The following FOXP2 variants were observed in gnomAD, a reference collection of about 807,000 sequenced individuals.
FOXP2 encodes forkhead box P2, also known as forkhead box protein P2.
In FOXP2, 12 loss-of-function variants were observed where a neutral mutation model predicts 115.8. The ratio of observed to expected loss-of-function variants is 0.10; its 90% CI spans 0.07 to 0.17. FOXP2 has a LOEUF of 0.17. Among genes scored for constraint, FOXP2 ranks in the 10% least tolerant of loss-of-function variants. The pLI is 1.00. For synonymous variants in FOXP2, 328 were observed against 297.7 expected (o/e 1.10, Z -1.05); for missense variants, 629 against 843.5 (o/e 0.75, Z 3.15).
upstream of FOXP2, among the ~76,000 whole-genome samples, chr7:114,413,814 A>G (rs918894257): frequency 1.3e-5 from 2 of 152,148 alleles, no homozygotes; most frequent in African/African-American, 4.8e-5. Flanking sequence ...CTAAAACAAG[A>G]TAAGTCAGTG....
intron 9 of FOXP2, among the ~76,000 whole-genome samples, chr7:114,652,674 A>C (rs180751054): frequency 1.6e-4 from 24 of 152,238 alleles, no homozygotes; most frequent in Admixed American, 2.6e-4. Context: ...TATTGTGGCA[A>C]ATGACCAGTC....
intron 13 of FOXP2, among the ~76,000 whole-genome samples, chr7:114,661,081 T>G (rs1000508420): frequency 6.6e-6 from 1 of 151,524 alleles, no homozygotes; most frequent in South Asian, 2.1e-4. Flanking sequence ...AATTCTTCTC[T>G]TAAAGCAAGC....
At chr7:114,165,537 GATAA>G (rs1461614351) in intron 1 of FOXP2, among the ~76,000 whole-genome samples, 2 of 152,048 alleles carry the variant, frequency 1.3e-5, no homozygotes, top group East Asian at 1.9e-4. Flanking sequence ...ACACCAAAAA[GATAA>G]ATACTTAGGT....
At chr7:114,151,497 A>G (rs1368601964) in intron 1 of FOXP2, among the ~76,000 whole-genome samples, 5 of 152,040 alleles carry the variant, frequency 3.3e-5, no homozygotes, top group African/African-American at 4.8e-5. Flanking sequence ...CAAAAAGGAG[A>G]CAAGGTTTTT....
At chr7:114,549,621 G>A (rs1334156592) in intron 3 of FOXP2, among the ~76,000 whole-genome samples, 1 of 152,066 alleles carries the variant, frequency 6.6e-6, no homozygotes, top group African/African-American at 2.4e-5. Context: ...CATTGGTTTG[G>A]CCCTGAGATG....
At chr7:114,522,659 G>A (rs753062986) in intron 2 of FOXP2, among the ~76,000 whole-genome samples, 6 of 152,086 alleles carry the variant, frequency 3.9e-5, no homozygotes, top group East Asian at 3.9e-4. Context: ...AAAGGACACC[G>A]TAAAATTTAC....
intron 1 of FOXP2, among the ~76,000 whole-genome samples, chr7:114,184,653 A>T (rs1001362929): frequency 9.2e-5 from 14 of 152,164 alleles, no homozygotes; most frequent in African/African-American, 3.4e-4. Context: ...CAAATGAGAC[A>T]TGCAGCACCC....
chr7:114,536,397 C>CTTTTTTTTTTTTTTT (rs3997242), intron 3 of FOXP2, among the ~76,000 whole-genome samples: 11 of 112,368 alleles, frequency 9.8e-5, no homozygotes, highest in South Asian at 2.8e-4. Flanking sequence ...TTTTTCTTTT[C>CTTTTTTTTTTTTTTT]TTTTTTTTTT....
At chr7:114,436,007 C>T (rs950250676) in intron 2 of FOXP2, among the ~76,000 whole-genome samples, 13 of 151,886 alleles carry the variant, frequency 8.6e-5, no homozygotes, top group African/African-American at 3.1e-4. Context: ...GGTGCAAACT[C>T]AATAATACGT....
chr7:114,115,873 A>T (rs1791393942), intron 1 of FOXP2, among the ~76,000 whole-genome samples: 1 of 152,120 alleles, frequency 6.6e-6, no homozygotes, highest in Non-Finnish European at 1.5e-5. Flanking sequence ...TATGGTAGGA[A>T]TTAAGCATTT....
chr7:114,450,843 A>G (rs1455828497), intron 2 of FOXP2, among the ~76,000 whole-genome samples: 2 of 152,106 alleles, frequency 1.3e-5, no homozygotes, highest in African/African-American at 4.8e-5. Flanking sequence ...TAAAAGAACA[A>G]AATATTCAGG....
intron 2 of FOXP2, among the ~76,000 whole-genome samples, chr7:114,441,629 T>C (rs1361605849): frequency 6.6e-6 from 1 of 152,184 alleles, no homozygotes; most frequent in Non-Finnish European, 1.5e-5. Context: ...TTTGTGATAA[T>C]ACAGAATTAT....
At chr7:114,321,670 T>A (rs1797425113) in intron 2 of FOXP2, among the ~76,000 whole-genome samples, 2 of 152,166 alleles carry the variant, frequency 1.3e-5, no homozygotes, top group African/African-American at 4.8e-5. Context: ...TACAGGAATA[T>A]ATAATTTTAT....
chr7:114,430,234 A>T (rs1014322179), intron 2 of FOXP2, among the ~76,000 whole-genome samples: 1 of 151,810 alleles, frequency 6.6e-6, no homozygotes, highest in Admixed American at 6.6e-5. Flanking sequence ...CCGACTTTAG[A>T]TTAAATTGTT....
intron 1 of FOXP2, among the ~76,000 whole-genome samples, chr7:114,170,514 T>A (rs768023904): frequency 6.6e-6 from 1 of 152,200 alleles, no homozygotes; most frequent in Admixed American, 6.5e-5. Context: ...AGGCCTCTTA[T>A]GACAAACAGC....
At chr7:114,300,498 A>G (rs914412545) in intron 2 of FOXP2, among the ~76,000 whole-genome samples, 1 of 151,974 alleles carries the variant, frequency 6.6e-6, no homozygotes, top group African/African-American at 2.4e-5. Flanking sequence ...AACTTTGTTC[A>G]TCAAACCCAT....
At chr7:114,143,299 A>G (rs1170619920) in intron 1 of FOXP2, among the ~76,000 whole-genome samples, 1 of 152,088 alleles carries the variant, frequency 6.6e-6, no homozygotes, top group African/African-American at 2.4e-5. Flanking sequence ...TGTACTTTAA[A>G]AGGCCTAATT....
chr7:114,270,644 C>G (rs564223426), intron 1 of FOXP2, among the ~76,000 whole-genome samples: 1 of 152,138 alleles, frequency 6.6e-6, no homozygotes, highest in Non-Finnish European at 1.5e-5. Flanking sequence ...ATCTTTGGCC[C>G]AGTTTTTAAT....
At chr7:114,646,778 T>A (rs921274132) in intron 8 of FOXP2, among the ~76,000 whole-genome samples, 3 of 151,970 alleles carry the variant, frequency 2.0e-5, no homozygotes, top group Non-Finnish European at 4.4e-5. Context: ...GTGTTAGAAA[T>A]TGGAAAAGAA....
Sources: gnomAD v4.1 joint callset for allele counts (sites outside exome capture counted in the v4.1 genomes callset) on GRCh38, gnomAD v4.1.1 for gene constraint, MANE v1.5 for transcripts, NCBI Gene and HGNC (gene_info 2026-07-23, HGNC 2026-07-21) for gene names.